FMNL3: variants seen among roughly 807,000 people sequenced by gnomAD.
The protein encoded by FMNL3 is formin-like protein 3.
Under a neutral mutation model 119.6 loss-of-function variants are expected in FMNL3, and 57 were observed. That is an observed-to-expected ratio of 0.48 (90% confidence interval 0.39 to 0.59). FMNL3 has a LOEUF of 0.59. Ranked by LOEUF, FMNL3 falls within the 20% of genes least tolerant of loss-of-function variation. The probability of loss-of-function intolerance (pLI) is 0.00; values close to 1 mark genes in which losing one functional copy is unlikely to be tolerated. For missense variants in FMNL3, 1,053 were observed against 1,323.5 expected (o/e 0.80, Z 3.17); for synonymous variants, 491 against 507.3 (o/e 0.97, Z 0.43).
At position 49,643,438 on chromosome 12, in the gene FMNL3, T is replaced by G. The variant is rs936308388; in HGVS notation, c.*2377A>C. On this transcript the variant is annotated 3_prime_UTR_variant, in exon 26 of 26. Transcript: ENST00000335154. ...GAGCGTAGAAGCTGGAGAACTGTTG[T>G]CCCAGACTGAGAGGATGCCCTCCAC... 9 of 1,525,750 alleles carry G rather than the reference T, an allele frequency of 5.9e-6. No homozygotes were observed. The highest frequency in any genetic ancestry group is 1.4e-5 in the African/African-American group (1 of 71,856). The allele number at this position is 1,525,750 out of a possible 1,614,324, so 94.5% of individuals were successfully genotyped here. A position where few individuals can be genotyped will look rare whatever the true frequency, so the allele number is the denominator to read the frequency against.
intron 1 of FMNL3, among the ~76,000 whole-genome samples, chr12:49,704,492 C>T (rs1312888075): frequency 6.6e-6 from 1 of 152,080 alleles, no homozygotes; most frequent in Non-Finnish European, 1.5e-5. Flanking sequence ...GGGTGGATCA[C>T]CTGAGGTCAG....
Position 49,643,260 on chromosome 12 carries a change from C to T in FMNL3, c.*2555G>A. ...GAAGAAGAGGAGCTGCCCCCACCATCTCTCCGGCCCCCCAAGCGGAGGAGG... is the reference window on the plus strand; with the variant it reads ...GAAGAAGAGGAGCTGCCCCCACCATTTCTCCGGCCCCCCAAGCGGAGGAGG... On this transcript the variant is annotated 3_prime_UTR_variant, in exon 26 of 26. Transcript: ENST00000335154. The T allele has an allele frequency of 6.2e-7, 1 of 1,614,146 alleles. No individual in the cohort carries two copies. Among genetic ancestry groups the T allele is most frequent in the South Asian group, 1.1e-5 (1 of 91,068 alleles).
intron 1 of FMNL3, among the ~76,000 whole-genome samples, chr12:49,691,999 C>T (rs796388929): frequency 1.6e-4 from 23 of 139,928 alleles, no homozygotes; most frequent in African/African-American, 6.2e-4. Context: ...CACGCCACTG[C>T]ACTCCAGCCT....
At chr12:49,698,942 T>A (rs1337741442) in intron 1 of FMNL3, among the ~76,000 whole-genome samples, 1 of 152,136 alleles carries the variant, frequency 6.6e-6, no homozygotes, top group African/African-American at 2.4e-5. Context: ...TATTCAGAAG[T>A]ACCCAGCAAG....
chr12:49,658,428 A>C lies in FMNL3; in HGVS notation c.605+14T>G. ...AGGGTGGGAGGCAGGTGGGCAGAGC[A>C]AAAGCACACATACCGGAGCACAGAC... On this transcript the variant is annotated intron_variant, in intron 6 of 25. Transcript: ENST00000335154. 6.3e-7 allele frequency: 1 copy of C among 1,581,182 alleles called. No individual in the cohort carries two copies. Among genetic ancestry groups the C allele is most frequent in the Middle Eastern group, 1.7e-4 (1 of 5,902 alleles).
chr12:49,650,560 G>C (rs1267178279), intron 17 of FMNL3, 116 bp downstream of exon 17: 1 of 1,154,616 alleles, frequency 8.7e-7, no homozygotes, highest in Non-Finnish European at 1.3e-6. Flanking sequence ...GGATGACTAG[G>C]GGGATGTGAG....
rs753466497 is a variant in FMNL3 at position 49,642,269 on chromosome 12, G to A, written c.*3546C>T. ...AAAGCAGAGGCACGGGAGAGGGAGC[G>A]GGAGAAGGAGGAGGCACGCAGGATG... On this transcript the variant is annotated 3_prime_UTR_variant, in exon 26 of 26. Coordinates refer to ENST00000335154, the MANE Select transcript of FMNL3 (RefSeq NM_175736.5). This position sits in a 1 kb window ranked among gnomAD's most constrained non-coding sequence, Gnocchi z 5.8. 44 of 1,614,078 alleles carry A rather than the reference G, an allele frequency of 2.7e-5. No homozygotes were observed. Among genetic ancestry groups the A allele is most frequent in the South Asian group, 4.4e-5 (4 of 91,092 alleles).
intron 6 of FMNL3, 104 bp from the exon 7 acceptor site, chr12:49,657,294 A>G: frequency 1.2e-6 from 1 of 823,730 alleles, no homozygotes; most frequent in Non-Finnish European, 2.0e-6. Context: ...TAGCAGTGGC[A>G]AAAAATAGGG....
At chr12:49,687,573 T>A (rs957342578) in intron 1 of FMNL3, among the ~76,000 whole-genome samples, 1 of 152,178 alleles carries the variant, frequency 6.6e-6, no homozygotes, top group South Asian at 2.1e-4. Flanking sequence ...TCATGGTACT[T>A]CTTGCTACTT....
chr12:49,686,290 T>G (rs1944455662), intron 1 of FMNL3, among the ~76,000 whole-genome samples: 1 of 149,760 alleles, frequency 6.7e-6, no homozygotes, highest in Admixed American at 6.6e-5. Context: ...TAAAATGTAC[T>G]GAGCATCCTG....
intron 1 of FMNL3, among the ~76,000 whole-genome samples, chr12:49,681,239 C>T (rs1244641206): frequency 6.6e-6 from 1 of 152,232 alleles, no homozygotes; most frequent in Non-Finnish European, 1.5e-5. Flanking sequence ...CTCGCTCTGT[C>T]GCCCAGGCTG....
rs761596601 is a variant in FMNL3, at chr12:49,649,499, A to T, written c.2275T>A (p.Ser759Thr). 3.1e-6 allele frequency: 5 copies of T among 1,614,174 alleles called. No individual in the cohort carries two copies. The South Asian group carries it at 5.5e-5, about 18-fold the overall frequency. The change falls in exon 19 of 26, where the codon TCT becomes ACT. Residue 759 changes from serine to threonine, a missense_variant. Around this residue, in one of 4 missense-constraint regions of FMNL3, gnomAD observed 324 missense variants for 380.9 expected, o/e 0.85. Coordinates refer to ENST00000335154, the MANE Select transcript of FMNL3 (RefSeq NM_175736.5). The surrounding 1 kb of genome is among the most constrained non-coding windows in gnomAD (Gnocchi z 5.6). ...AIIAASASVK[S>T]SQKLKQMLEI... ...AACATCTGCTTCAGCTTCTGTGAAG[A>T]CTTGACGGAAGCGGACGCCGCAATG... is the stretch of plus-strand genomic sequence containing the variant.
chr12:49,693,505 G>A (rs997854680), intron 1 of FMNL3, among the ~76,000 whole-genome samples: 1 of 151,578 alleles, frequency 6.6e-6, no homozygotes, highest in African/African-American at 2.4e-5. Flanking sequence ...AGCCTCTCCA[G>A]TAGCTGGGAC....
At chr12:49,706,434 C>T (rs1288099841) in intron 1 of FMNL3, among the ~76,000 whole-genome samples, 1 of 152,254 alleles carries the variant, frequency 6.6e-6, no homozygotes, top group East Asian at 1.9e-4. Flanking sequence ...CATGTTCAGC[C>T]TTTCAGGCAA....
chr12:49,672,325 G>A (rs2138889959), intron 1 of FMNL3, among the ~76,000 whole-genome samples: 1 of 152,216 alleles, frequency 6.6e-6, no homozygotes, highest in East Asian at 1.9e-4. Context: ...CAAGGAAGAA[G>A]TAAGGGAGGT....
intron 1 of FMNL3, among the ~76,000 whole-genome samples, chr12:49,676,562 T>C (rs2138918947): frequency 6.8e-6 from 1 of 146,838 alleles, no homozygotes; most frequent in South Asian, 2.2e-4. Flanking sequence ...CTTTCTCTAT[T>C]CACAACTAGA....
chr12:49,658,737 C>T (rs1238379184), intron 5 of FMNL3, 143 bp from the exon 6 acceptor site: 4 of 1,017,070 alleles, frequency 3.9e-6, no homozygotes, highest in Non-Finnish European at 5.5e-6. Context: ...GAAAGCAGAA[C>T]TGGGGAGCAG....
At chr12:49,677,370 G>A (rs1944218822) in intron 1 of FMNL3, among the ~76,000 whole-genome samples, 1 of 152,176 alleles carries the variant, frequency 6.6e-6, no homozygotes, top group Non-Finnish European at 1.5e-5. Context: ...CACACTACCT[G>A]GGTTTGAATC....
At position 49,640,668 on chromosome 12, in the gene FMNL3, G is replaced by A. The variant is rs991803705; in HGVS notation, c.*5147C>T. On this transcript the variant is annotated 3_prime_UTR_variant, in exon 26 of 26. Transcript: ENST00000335154. ...CCTGTTTGCTCACCTGTAAATCAGGGATAATTCATAGGTAAGGTTGTGAGA... is the reference window on the plus strand; with the variant it reads ...CCTGTTTGCTCACCTGTAAATCAGGAATAATTCATAGGTAAGGTTGTGAGA... The A allele has an allele frequency of 6.6e-6, 1 of 152,232 alleles. No individual in the cohort carries two copies. Among genetic ancestry groups the A allele is most frequent in the Admixed American group, 6.5e-5 (1 of 15,282 alleles). 9.4% of individuals were successfully genotyped at this position (152,232 alleles called of 1,614,324 possible).
Sources: allele counts gnomAD v4.1 joint callset (sites outside exome capture counted in the v4.1 genomes callset), GRCh38; gene constraint gnomAD v4.1.1; regional missense constraint gnomAD v4.1.1; non-coding constraint Gnocchi (gnomAD v3.1); transcripts MANE v1.5; gene names NCBI Gene and HGNC (gene_info 2026-07-23, HGNC 2026-07-21).